The following QTMAN variants were observed in gnomAD, a reference collection of about 807,000 sequenced individuals.
QTMAN encodes queuosine-tRNA mannosyltransferase, also known as tRNA-queuosine alpha-mannosyltransferase.
the QTMAN span, among the ~76,000 whole-genome samples, chr2:144,061,911 G>A: frequency 6.6e-6 from 1 of 152,080 alleles, no homozygotes; most frequent in Non-Finnish European, 1.5e-5. Flanking sequence ...GAGGAGATTG[G>A]CTGCGGGATT....
At chr2:144,318,131 G>A in the QTMAN span, among the ~76,000 whole-genome samples, 18 of 150,752 alleles carry the variant, frequency 1.2e-4, no homozygotes, top group Admixed American at 4.0e-4. Context: ...TAAAAACCAC[G>A]TATTTCTTAT....
At chr2:144,033,911 G>A in the QTMAN span, among the ~76,000 whole-genome samples, 18 of 152,294 alleles carry the variant, frequency 1.2e-4, no homozygotes, top group Admixed American at 5.2e-4. Context: ...TACGTATTTC[G>A]TATTATATCA....
chr2:143,957,343 T>C, the QTMAN span: 1 of 1,572,284 alleles, frequency 6.4e-7, no homozygotes, highest in Non-Finnish European at 8.6e-7. Context: ...AAAATATCTT[T>C]TAAAAACAAG....
chr2:144,094,759 A>C, the QTMAN span, among the ~76,000 whole-genome samples: 5 of 152,226 alleles, frequency 3.3e-5, no homozygotes, highest in Non-Finnish European at 7.3e-5. Context: ...CATATCATTC[A>C]CCATATTAAC....
At chr2:144,263,643 G>A in the QTMAN span, among the ~76,000 whole-genome samples, 1 of 152,154 alleles carries the variant, frequency 6.6e-6, no homozygotes, top group African/African-American at 2.4e-5. Flanking sequence ...AGAATTGTTT[G>A]AACCAAGAGG....
At chr2:144,232,219 G>C in the QTMAN span, among the ~76,000 whole-genome samples, 1 of 152,138 alleles carries the variant, frequency 6.6e-6, no homozygotes, top group Non-Finnish European at 1.5e-5. Context: ...TTTTGCTAAA[G>C]TAGTGAACCA....
At chr2:144,141,646 A>G in the QTMAN span, among the ~76,000 whole-genome samples, 1 of 151,446 alleles carries the variant, frequency 6.6e-6, no homozygotes, top group African/African-American at 2.4e-5. Flanking sequence ...TTGGCAAACA[A>G]ATAAATAAAA....
At chr2:144,325,867 G>A in the QTMAN span, among the ~76,000 whole-genome samples, 2 of 152,182 alleles carry the variant, frequency 1.3e-5, no homozygotes, top group African/African-American at 4.8e-5. Flanking sequence ...TTAATACGGA[G>A]TGTTTGCATT....
At chr2:144,056,075 TC>T in the QTMAN span, among the ~76,000 whole-genome samples, 22 of 152,334 alleles carry the variant, frequency 1.4e-4, no homozygotes, top group African/African-American at 5.1e-4. Context: ...TAGTATGACT[TC>T]TGATACACAG....
the QTMAN span, among the ~76,000 whole-genome samples, chr2:144,242,734 G>A: frequency 6.6e-6 from 1 of 152,022 alleles, no homozygotes; most frequent in Non-Finnish European, 1.5e-5. Flanking sequence ...GGCCGAGGCA[G>A]GTGGATCACT....
chr2:144,191,097 T>C, the QTMAN span, among the ~76,000 whole-genome samples: 1 of 152,362 alleles, frequency 6.6e-6, no homozygotes, highest in Admixed American at 6.5e-5. Flanking sequence ...GTAACAGTTT[T>C]ATGCATATTG....
the QTMAN span, among the ~76,000 whole-genome samples, chr2:144,146,219 T>C: frequency 6.7e-6 from 1 of 148,732 alleles, no homozygotes; most frequent in South Asian, 2.2e-4. Context: ...ATTTATGCAA[T>C]AGACTTATCT....
At chr2:144,279,771 G>A in the QTMAN span, among the ~76,000 whole-genome samples, 3 of 152,244 alleles carry the variant, frequency 2.0e-5, no homozygotes, top group Middle Eastern at 3.4e-3. Context: ...ATATACCATC[G>A]CTTTGTAATG....
chr2:144,051,848 G>A, the QTMAN span, among the ~76,000 whole-genome samples: 12 of 152,326 alleles, frequency 7.9e-5, no homozygotes, highest in South Asian at 2.1e-4. Flanking sequence ...AGATGGGAAG[G>A]AATGGCTACC....
At chr2:143,987,255 C>T in the QTMAN span, among the ~76,000 whole-genome samples, 1 of 152,158 alleles carries the variant, frequency 6.6e-6, no homozygotes, top group Non-Finnish European at 1.5e-5. Context: ...CACCAGGGAT[C>T]ATGTACACCA....
chr2:144,061,816 A>AAGAGTGGC, the QTMAN span, among the ~76,000 whole-genome samples: 1 of 152,082 alleles, frequency 6.6e-6, no homozygotes, highest in Non-Finnish European at 1.5e-5. Flanking sequence ...CCAAGAGCAG[A>AAGAGTGGC]AGAGTGGCAG....
At chr2:144,196,050 T>C in the QTMAN span, among the ~76,000 whole-genome samples, 12 of 152,094 alleles carry the variant, frequency 7.9e-5, no homozygotes, top group African/African-American at 2.9e-4. Flanking sequence ...TCATTAAAAG[T>C]GAGTTCATTT....
At chr2:144,193,256 T>C in the QTMAN span, among the ~76,000 whole-genome samples, 1 of 151,970 alleles carries the variant, frequency 6.6e-6, no homozygotes, top group Non-Finnish European at 1.5e-5. Flanking sequence ...AAGTACCTAG[T>C]AGCAAAGTGT....
chr2:144,109,490 G>A, the QTMAN span, among the ~76,000 whole-genome samples: 1 of 152,190 alleles, frequency 6.6e-6, no homozygotes, highest in East Asian at 1.9e-4. Flanking sequence ...GCATGGGCAA[G>A]GACTTCATGT....
Sources: gnomAD v4.1 joint callset for allele counts (sites outside exome capture counted in the v4.1 genomes callset) on GRCh38, gnomAD v4.1.1 for gene constraint, MANE v1.5 for transcripts, NCBI Gene and HGNC (gene_info 2026-07-23, HGNC 2026-07-21) for gene names.